DNAL1: variants seen among roughly 807,000 people sequenced by gnomAD.
The protein encoded by DNAL1 is dynein axonemal light chain 1.
A neutral mutation model predicts 29.4 loss-of-function variants in DNAL1; 17 were observed. The observed-to-expected ratio is 0.58, with a 90% confidence interval of 0.40 to 0.87. The LOEUF (loss-of-function observed/expected upper bound fraction) is 0.87. Ranked by LOEUF, DNAL1 falls within the 40% of genes least tolerant of loss-of-function variation. DNAL1 has a pLI of 0.00. For synonymous variants in DNAL1, 78 were observed against 76.3 expected, an observed-to-expected ratio of 1.02 and a Z score of -0.12; for missense variants, 188 against 214.1, an observed-to-expected ratio of 0.88 and a Z score of 0.76.
At chr14:73,690,047 A>AG (rs1282441728) in intron 7 of DNAL1, among the ~76,000 whole-genome samples, 1 of 127,356 alleles carries the variant, frequency 7.9e-6, no homozygotes, top group Non-Finnish European at 1.6e-5. Context: ...CAAAAAAAAA[A>AG]AAAAGAAAAG....
intron 5 of DNAL1, among the ~76,000 whole-genome samples, chr14:73,677,428 C>T (rs563913443): frequency 1.3e-5 from 2 of 151,962 alleles, no homozygotes; most frequent in Non-Finnish European, 2.9e-5. Flanking sequence ...CCTCAAGTCT[C>T]CTGAGTAGCT....
intron 5 of DNAL1, among the ~76,000 whole-genome samples, chr14:73,673,843 A>T (rs534206756): frequency 1.3e-5 from 2 of 151,842 alleles, no homozygotes; most frequent in East Asian, 1.9e-4. Context: ...GTTTACAGTG[A>T]ACTATGATTG....
intron 2 of DNAL1, among the ~76,000 whole-genome samples, chr14:73,655,622 C>T (rs1891200656): frequency 6.6e-6 from 1 of 152,012 alleles, no homozygotes; most frequent in Non-Finnish European, 1.5e-5. Context: ...GCTGGGATTA[C>T]AGGAGTGAAC....
rs1246721752 is a variant in DNAL1, at chr14:73,645,087, G to A, written c.3+45G>A. On this transcript the variant is annotated intron_variant, in intron 1 of 7. Coordinates refer to ENST00000553645, the MANE Select transcript of DNAL1 (RefSeq NM_031427.4). ...CGTAGCCAAAGCTGAGAGAAGATTG[G>A]GAGTGGAAAAGGGTGACTGTGGAGT... 5.6e-6 allele frequency: 9 copies of A among 1,599,632 alleles called. No individual in the cohort carries two copies. The African/African-American group carries it at 9.4e-5, about 17-fold the overall frequency.
chr14:73,656,860 C>G (rs559542481), intron 2 of DNAL1, among the ~76,000 whole-genome samples: 174 of 152,204 alleles, frequency 1.1e-3, no homozygotes, highest in African/African-American at 3.9e-3. Context: ...TAAAAATAAG[C>G]ACTGAGTGGA....
intron 5 of DNAL1, among the ~76,000 whole-genome samples, chr14:73,676,781 G>C (rs1283946862): frequency 1.3e-5 from 2 of 151,630 alleles, no homozygotes; most frequent in African/African-American, 4.9e-5. Context: ...GCAGTTATTT[G>C]CGTATTTACA....
intron 1 of DNAL1, among the ~76,000 whole-genome samples, chr14:73,649,074 C>T (rs1182611094): frequency 1.3e-5 from 2 of 151,874 alleles, no homozygotes; most frequent in Non-Finnish European, 2.9e-5. Flanking sequence ...CACCTGGGTT[C>T]AAGCAATTCT....
chr14:73,685,743 T>G (rs1892007530), intron 5 of DNAL1, among the ~76,000 whole-genome samples: 1 of 152,174 alleles, frequency 6.6e-6, no homozygotes, highest in African/African-American at 2.4e-5. Flanking sequence ...ATTACAGATG[T>G]GAGCCACTGC....
chr14:73,671,185 TA>T (rs2140042171), intron 4 of DNAL1, among the ~76,000 whole-genome samples: 1 of 152,324 alleles, frequency 6.6e-6, no homozygotes, highest in African/African-American at 2.4e-5. Context: ...TATTTTCTAG[TA>T]TGAGTTCTTG....
At chr14:73,651,874 C>G (rs1379873017) in intron 1 of DNAL1, among the ~76,000 whole-genome samples, 8 of 152,078 alleles carry the variant, frequency 5.3e-5, no homozygotes, top group Non-Finnish European at 1.5e-5. Context: ...CCAGCCTGGT[C>G]TCAAACTCCT....
rs1381658071 is a variant in DNAL1, at chr14:73,698,555, A to G, written c.*2613A>G. ...GTTTGTTTGTTTGTTTGTTTTAAAC[A>G]GAGTCTCACTCCCGAGTAGCTGGGA... On this transcript the variant is annotated 3_prime_UTR_variant, in exon 8 of 8. Transcript: ENST00000553645. 6.6e-6 allele frequency: 1 copy of G among 152,018 alleles called. No individual in the cohort carries two copies. Among genetic ancestry groups the G allele is most frequent in the East Asian group, 1.9e-4 (1 of 5,176 alleles). The allele number at this position is 152,018 out of a possible 1,614,324, so 9.4% of individuals were successfully genotyped here.
chr14:73,701,556 A>G lies in DNAL1; in HGVS notation c.*5614A>G, dbSNP rs1010145932. On this transcript the variant is annotated 3_prime_UTR_variant, in exon 8 of 8. Transcript: ENST00000553645. ...ACCTCTAGATTTTAAATGAATGTAG[A>G]GTTGTCTAACATTATATGGGTGGGA... The G allele has an allele frequency of 1.3e-5, 2 of 152,242 alleles. No individual in the cohort carries two copies. Among genetic ancestry groups the G allele is most frequent in the South Asian group, 4.1e-4 (2 of 4,830 alleles). The allele number at this position is 152,242 out of a possible 1,614,324, so 9.4% of individuals were successfully genotyped here.
chr14:73,665,567 G>T (rs1891457619), intron 4 of DNAL1, among the ~76,000 whole-genome samples: 1 of 152,072 alleles, frequency 6.6e-6, no homozygotes, highest in Non-Finnish European at 1.5e-5. Context: ...GAGGCGGGTG[G>T]ATCACCTGAG....
rs1436962185 is a variant in DNAL1, at chr14:73,697,932, A to G, written c.*1990A>G. On this transcript the variant is annotated 3_prime_UTR_variant, in exon 8 of 8. Transcript: ENST00000553645. ...CTTCATTCTCCTTGGTGATGTTTTA[A>G]GTTCCATAAACTGAGAGGGAAGATG... The G allele has an allele frequency of 6.6e-6, 1 of 152,144 alleles. No individual in the cohort carries two copies. Among genetic ancestry groups the G allele is most frequent in the East Asian group, 1.9e-4 (1 of 5,192 alleles). The allele number at this position is 152,144 out of a possible 1,614,324, so 9.4% of individuals were successfully genotyped here.
At chr14:73,659,789 A>G (rs189191623) in intron 3 of DNAL1, 5 of 152,336 alleles carry the variant, frequency 3.3e-5, no homozygotes, top group Admixed American at 1.3e-4. Flanking sequence ...ATTATAAAAA[A>G]CACATTATAA....
intron 5 of DNAL1, among the ~76,000 whole-genome samples, chr14:73,684,163 G>A (rs545691369): frequency 3.9e-4 from 60 of 152,232 alleles, no homozygotes; most frequent in Non-Finnish European, 7.6e-4. Context: ...TCCATTGTGT[G>A]ATATACCATA....
At chr14:73,654,967 C>A in intron 2 of DNAL1, 82 bp downstream of exon 2, 1 of 1,351,340 alleles carries the variant, frequency 7.4e-7, no homozygotes, top group Non-Finnish European at 1.0e-6. Context: ...CTATTTAATA[C>A]AAAGGATCCT....
intron 4 of DNAL1, among the ~76,000 whole-genome samples, chr14:73,670,040 AC>A (rs1329872426): frequency 6.6e-6 from 1 of 152,176 alleles, no homozygotes; most frequent in East Asian, 1.9e-4. Context: ...ACCATGGGTT[AC>A]ACATTTCACT....
At chr14:73,658,620 A>T (rs1251120841) in intron 2 of DNAL1, among the ~76,000 whole-genome samples, 1 of 152,180 alleles carries the variant, frequency 6.6e-6, no homozygotes, top group Non-Finnish European at 1.5e-5. Context: ...CCTCATTTTC[A>T]TTTGGTAGGG....
Sources: allele counts gnomAD v4.1 joint callset (sites outside exome capture counted in the v4.1 genomes callset), GRCh38; gene constraint gnomAD v4.1.1; transcripts MANE v1.5; gene names NCBI Gene and HGNC (gene_info 2026-07-23, HGNC 2026-07-21).